The following SORCS1 variants were observed in gnomAD, a reference collection of about 807,000 sequenced individuals.
SORCS1 encodes sortilin related VPS10 domain containing receptor 1.
Under a neutral mutation model 146.1 loss-of-function variants are expected in SORCS1, and 60 were observed. The observed-to-expected ratio is 0.41, with a 90% CI of 0.33 to 0.51. The LOEUF (loss-of-function observed/expected upper bound fraction) is 0.51. Ranked by LOEUF, SORCS1 falls within the 20% of genes least tolerant of loss-of-function variation. The pLI, the probability that SORCS1 is intolerant of heterozygous loss-of-function variation, is 0.21. For synonymous variants in SORCS1, 637 were observed against 584.0 expected (o/e 1.09, Z -1.31); for missense variants, 1,352 against 1,487.6 (o/e 0.91, Z 1.50).
chr10:106,821,303 T>A (rs758976180), intron 3 of SORCS1, among the ~76,000 whole-genome samples: 25 of 152,282 alleles, frequency 1.6e-4, no homozygotes, highest in Non-Finnish European at 3.2e-4. Context: ...AAAGATAGAG[T>A]CTATTTTTTA....
intron 2 of SORCS1, among the ~76,000 whole-genome samples, chr10:106,873,828 G>T (rs1038478916): frequency 6.6e-6 from 1 of 151,990 alleles, no homozygotes; most frequent in African/African-American, 2.4e-5. Flanking sequence ...GTGTTTATAC[G>T]CCTACCTTAC....
the SORCS1 span, among the ~76,000 whole-genome samples, chr10:107,171,868 G>T: frequency 6.6e-6 from 1 of 152,160 alleles, no homozygotes; most frequent in Non-Finnish European, 1.5e-5. Context: ...AGAGTGTGAA[G>T]ATATGAATGA....
At chr10:106,850,940 A>T (rs1275327035) in intron 2 of SORCS1, among the ~76,000 whole-genome samples, 1 of 152,198 alleles carries the variant, frequency 6.6e-6, no homozygotes, top group Non-Finnish European at 1.5e-5. Flanking sequence ...TTGCAAAAAA[A>T]CACAGAAACT....
chr10:106,754,549 G>A (rs12243423), intron 5 of SORCS1, among the ~76,000 whole-genome samples: 1,715 of 152,152 alleles, frequency 0.011, 39 homozygotes, highest in African/African-American at 0.039. Context: ...TGATTTAAAC[G>A]ATATATGCAA....
Position 106,577,453 on chromosome 10 carries a change from C to T in SORCS1, c.3474G>A (p.Lys1158=). ...ARHATPPSTP[K]RGSAGAQYAI ...CATACTGTGCCCCAGCAGATCCCCG[C>T]TTTGGCGTTGAAGGCGGAGTGGCGT... The change falls in exon 26 of 26, where the codon AAG becomes AAA. Residue 1158 remains lysine, a synonymous_variant. Transcript: ENST00000263054. 1 of 1,556,710 alleles carries T rather than the reference C, an allele frequency of 6.4e-7. No homozygotes were observed.
chr10:106,975,491 TCAAGGAA>T (rs1564876712), intron 1 of SORCS1, among the ~76,000 whole-genome samples: 1 of 152,170 alleles, frequency 6.6e-6, no homozygotes, highest in Admixed American at 6.5e-5. Context: ...AAGAAATGAA[TCAAGGAA>T]CAACTAACTA....
chr10:106,637,773 C>T lies in SORCS1; in HGVS notation c.2476-8385G>A, dbSNP rs550732617. On this transcript the variant is annotated intron_variant, in intron 18 of 25. Coordinates refer to ENST00000263054, the MANE Select transcript of SORCS1 (RefSeq NM_052918.5). ...CAGGCCCTTCTAAGAGGACTCAGAT[C>T]CTTGGGACTTGCCTAACTAAATACC... 3.3e-5 allele frequency among the ~76,000 whole-genome samples: 5 copies of T among 152,306 alleles called. No homozygotes were observed. The East Asian group carries it at 9.6e-4, about 29-fold the overall frequency.
rs61735888 is a variant in SORCS1, at chr10:106,629,293, G to A, written c.2571C>T (p.His857=). The change falls in exon 19 of 26, where the codon CAC becomes CAT. Residue 857 remains histidine (H), a synonymous_variant. Coordinates refer to ENST00000263054, the MANE Select transcript of SORCS1 (RefSeq NM_052918.5). ...NLSSMEDGIK[H]VYQNVGIFRV... Reference sequence around the variant, plus strand: ...GGAAAATGCCCACGTTCTGATAGACGTGTTTGATCCCATCTTCCATGGAGC... The same window carrying A: ...GGAAAATGCCCACGTTCTGATAGACATGTTTGATCCCATCTTCCATGGAGC... The A allele has an allele frequency of 5.7e-4, 925 of 1,614,154 alleles. 2 individuals are homozygous for A. In the African/African-American group the frequency reaches 0.011, roughly 19 times the overall value.
intron 3 of SORCS1, among the ~76,000 whole-genome samples, chr10:106,809,119 C>CT (rs1002215443): frequency 6.5e-4 from 99 of 151,760 alleles, no homozygotes; most frequent in African/African-American, 2.2e-3. Context: ...CTAGACAAGG[C>CT]TTTTTTCGTT....
intron 1 of SORCS1, among the ~76,000 whole-genome samples, chr10:106,967,198 C>G: frequency 6.6e-6 from 1 of 151,682 alleles, no homozygotes; most frequent in South Asian, 2.1e-4. Context: ...GTCTTGTTTC[C>G]TCCCCTGCCA....
intron 17 of SORCS1, among the ~76,000 whole-genome samples, chr10:106,660,051 C>T (rs1205420572): frequency 6.6e-6 from 1 of 152,048 alleles, no homozygotes; most frequent in South Asian, 2.1e-4. Context: ...AACACATGCA[C>T]CATTTTTAGG....
At chr10:106,950,894 A>G (rs1954643859) in intron 2 of SORCS1, among the ~76,000 whole-genome samples, 1 of 152,298 alleles carries the variant, frequency 6.6e-6, no homozygotes, top group African/African-American at 2.4e-5. Context: ...TGAATACCCA[A>G]TAAAGGTTTC....
At chr10:107,079,311 T>C (rs1963145883) in intron 1 of SORCS1, among the ~76,000 whole-genome samples, 1 of 152,122 alleles carries the variant, frequency 6.6e-6, no homozygotes, top group Admixed American at 6.5e-5. Flanking sequence ...ATTTTTACCA[T>C]TCTTTGGAAG....
intron 1 of SORCS1, among the ~76,000 whole-genome samples, chr10:107,115,081 C>T (rs778749958): frequency 6.6e-6 from 1 of 151,886 alleles, no homozygotes; most frequent in Non-Finnish European, 1.5e-5. Context: ...AACTATAAAA[C>T]ACTGATGAAG....
At chr10:107,128,489 G>A (rs1966833393) in intron 1 of SORCS1, among the ~76,000 whole-genome samples, 2 of 152,132 alleles carry the variant, frequency 1.3e-5, no homozygotes, top group Admixed American at 1.3e-4. Flanking sequence ...TTTACCAGCT[G>A]GTTGGCTTTG....
chr10:106,934,620 T>C (rs1953610990), intron 2 of SORCS1, among the ~76,000 whole-genome samples: 1 of 152,170 alleles, frequency 6.6e-6, no homozygotes, highest in African/African-American at 2.4e-5. Context: ...AACCCACTAC[T>C]AGGTATCACA....
intron 1 of SORCS1, among the ~76,000 whole-genome samples, chr10:107,052,406 C>A (rs892284545): frequency 6.6e-6 from 1 of 152,086 alleles, no homozygotes; most frequent in East Asian, 1.9e-4. Flanking sequence ...AAATTATCAA[C>A]CTATTGGGAT....
chr10:106,960,423 T>G lies in SORCS1; in HGVS notation c.559-3843A>C, dbSNP rs1203517337. ...TCTTTTTCTTTTTCTTTTTTTTTTT[T>G]GAGATGGAATCTCGCTCTGTCGCCA... is the stretch of plus-strand genomic sequence containing the variant. On this transcript the variant is annotated intron_variant, in intron 1 of 25. Coordinates refer to ENST00000263054, the MANE Select transcript of SORCS1 (RefSeq NM_052918.5). The surrounding 1 kb of genome is among the most constrained non-coding windows in gnomAD (Gnocchi z 4.4). Among the ~76,000 whole-genome samples the G allele has an allele frequency of 6.6e-6, 1 of 151,836 alleles. No individual in the cohort carries two copies. The highest frequency in any genetic ancestry group is 2.4e-5 in the African/African-American group (1 of 41,348).
At chr10:106,671,515 C>T (rs551047595) in intron 15 of SORCS1, 148 bp from the exon 16 acceptor site, 48 of 1,059,418 alleles carry the variant, frequency 4.5e-5, no homozygotes, top group Non-Finnish European at 6.3e-5. Context: ...TTTCCTTTTG[C>T]GGTCTAGAGC....
Sources: gnomAD v4.1 joint callset for allele counts (sites outside exome capture counted in the v4.1 genomes callset) on GRCh38, gnomAD v4.1.1 for gene constraint, Gnocchi (gnomAD v3.1) non-coding constraint, MANE v1.5 for transcripts, NCBI Gene and HGNC (gene_info 2026-07-23, HGNC 2026-07-21) for gene names.